The following SERP2 variants were observed in gnomAD, a reference collection of about 807,000 sequenced individuals.
SERP2 encodes the protein stress-associated endoplasmic reticulum protein 2.
SERP2 carries 6 observed loss-of-function variants against 9.1 expected under a neutral mutation model. The ratio of observed to expected loss-of-function variants is 0.66; its 90% CI spans 0.36 to 1.30. The LOEUF (loss-of-function observed/expected upper bound fraction) is 1.30, where lower values mean the gene tolerates loss of function less well. SERP2 is among the 50% of genes most tolerant of loss of function. SERP2 has a pLI of 0.03. For missense variants in SERP2, 58 were observed against 81.9 expected (o/e 0.71, Z 1.13); for synonymous variants, 37 against 27.3 (o/e 1.35, Z -1.10).
chr13:44,390,230 G>A (rs895746821), intron 2 of SERP2: 13 of 308,364 alleles, frequency 4.2e-5, no homozygotes, highest in Non-Finnish European at 6.6e-6. Flanking sequence ...GCCATCCTGG[G>A]TCTTGCTCCC....
upstream of SERP2, chr13:44,373,809 C>A: frequency 2.0e-6 from 1 of 504,800 alleles, no homozygotes; most frequent in Non-Finnish European, 3.5e-6. This position sits in a 1 kb window ranked among gnomAD's most constrained non-coding sequence, Gnocchi z 4.8. Context: ...AAAGGGTTTC[C>A]TGAGATGAGA....
intron 2 of SERP2, among the ~76,000 whole-genome samples, chr13:44,379,969 G>A (rs1871878399): frequency 6.6e-6 from 1 of 152,200 alleles, no homozygotes. Flanking sequence ...ACACTGTAGA[G>A]TTCAGTAAAG....
chr13:44,385,297 T>G (rs550740671), intron 2 of SERP2, among the ~76,000 whole-genome samples: 3 of 152,254 alleles, frequency 2.0e-5, no homozygotes, highest in Admixed American at 6.5e-5. Context: ...AAGGAAGGAA[T>G]GAGGACTGGG....
intron 1 of SERP2, among the ~76,000 whole-genome samples, chr13:44,376,860 T>C (rs1871686013): frequency 6.6e-6 from 1 of 152,174 alleles, no homozygotes; most frequent in African/African-American, 2.4e-5. Flanking sequence ...GAATTTAAAT[T>C]TCAGAGTTCT....
In SERP2 at chr13:44,373,982, A is replaced by AG; in HGVS notation, c.-39dup. On this transcript the variant is annotated 5_prime_UTR_variant, in exon 1 of 3. Transcript: ENST00000379179. The surrounding 1 kb of genome is among the most constrained non-coding windows in gnomAD (Gnocchi z 4.8). ...TCGGCCCTGTCGCAGGAGCTAACGC[A>AG]GGGGGAATCCTTGCAGGTGGGAGCA... is the stretch of plus-strand genomic sequence containing the variant. 6.5e-7 allele frequency: 1 copy of AG among 1,531,220 alleles called. No individual in the cohort carries two copies. The highest frequency in any genetic ancestry group is 8.9e-7 in the Non-Finnish European group (1 of 1,124,884). 94.9% of individuals were successfully genotyped at this position (1,531,220 alleles called of 1,614,324 possible). A position where few individuals can be genotyped will look rare whatever the true frequency, so the allele number is the denominator to read the frequency against.
chr13:44,397,641 GT>G lies in SERP2; in HGVS notation c.*332del, dbSNP rs1873201312. 1 of 382,060 alleles carries G rather than the reference GT, an allele frequency of 2.6e-6. No homozygotes were observed. Among genetic ancestry groups the G allele is most frequent in the Admixed American group, 4.2e-5 (1 of 24,080 alleles). The allele number at this position is 382,060 out of a possible 1,614,324, so 23.7% of individuals were successfully genotyped here. A position where few individuals can be genotyped will look rare whatever the true frequency, so the allele number is the denominator to read the frequency against. ...CATGTGGCCCTCTGAACGATCACTG[GT>G]TTACTTTCTATGGATACAATCTCTC... On this transcript the variant is annotated 3_prime_UTR_variant, in exon 3 of 3. Transcript: ENST00000379179.
Position 44,373,969 on chromosome 13 carries a change from C to A in SERP2, c.-57C>A. On this transcript the variant is annotated 5_prime_UTR_variant, in exon 1 of 3. Transcript: ENST00000379179. The surrounding 1 kb of genome is among the most constrained non-coding windows in gnomAD (Gnocchi z 4.8). ...CGGCGGGACGCGCTCGGCCCTGTCG[C>A]AGGAGCTAACGCAGGGGGAATCCTT... is the stretch of plus-strand genomic sequence containing the variant. 6.7e-7 allele frequency: 1 copy of A among 1,487,398 alleles called. No individual in the cohort carries two copies. Among genetic ancestry groups the A allele is most frequent in the South Asian group, 1.2e-5 (1 of 82,978 alleles). The allele number at this position is 1,487,398 out of a possible 1,614,324, so 92.1% of individuals were successfully genotyped here.
At chr13:44,384,128 CTT>C (rs997332281) in intron 2 of SERP2, among the ~76,000 whole-genome samples, 1 of 152,002 alleles carries the variant, frequency 6.6e-6, no homozygotes, top group Admixed American at 6.6e-5. Flanking sequence ...ATGTGTCACT[CTT>C]CTCAGCTTGT....
intron 2 of SERP2, among the ~76,000 whole-genome samples, chr13:44,385,898 CAG>C (rs1460292044): frequency 6.6e-6 from 1 of 152,296 alleles, no homozygotes; most frequent in South Asian, 2.1e-4. Context: ...TCATGGGAAA[CAG>C]GGGCACCACG....
chr13:44,375,773 C>G (rs1871614583), intron 1 of SERP2, among the ~76,000 whole-genome samples: 1 of 152,178 alleles, frequency 6.6e-6, no homozygotes, highest in Non-Finnish European at 1.5e-5. Flanking sequence ...ATTTCTAAGG[C>G]TGTTGTATCT....
chr13:44,391,955 G>T (rs1391994080), intron 2 of SERP2, among the ~76,000 whole-genome samples: 1 of 151,586 alleles, frequency 6.6e-6, no homozygotes, highest in African/African-American at 2.4e-5. Context: ...CCAGCACTTT[G>T]GGAGGCCGAG....
chr13:44,391,517 A>G (rs898512569), intron 2 of SERP2, among the ~76,000 whole-genome samples: 7 of 152,204 alleles, frequency 4.6e-5, no homozygotes, highest in Non-Finnish European at 8.8e-5. Flanking sequence ...AATCACACCA[A>G]AACACTTTCA....
intron 2 of SERP2, 105 bp downstream of exon 2, chr13:44,379,818 T>C: frequency 1.3e-6 from 1 of 745,778 alleles, no homozygotes; most frequent in South Asian, 1.9e-5. Flanking sequence ...TGGTATGGGA[T>C]TCAAGTTTAT....
At chr13:44,382,453 A>G (rs1286464663) in intron 2 of SERP2, among the ~76,000 whole-genome samples, 5 of 151,086 alleles carry the variant, frequency 3.3e-5, no homozygotes, top group Non-Finnish European at 7.4e-5. Context: ...AAAAAAAAAA[A>G]AAAAAGAACA....
chr13:44,397,325 T>C lies in SERP2; in HGVS notation c.*13T>C, dbSNP rs779011597. On this transcript the variant is annotated 3_prime_UTR_variant, in exon 3 of 3. Transcript: ENST00000379179. Reference sequence around the variant, plus strand: ...GATGGGCATGTGAGAAAGCCAGGGATTTGACACCACCTCCCTCCCACTGGA... The same window carrying C: ...GATGGGCATGTGAGAAAGCCAGGGACTTGACACCACCTCCCTCCCACTGGA... The C allele has an allele frequency of 3.1e-6, 5 of 1,605,612 alleles. No individual in the cohort carries two copies. The Admixed American group carries it at 8.3e-5, about 27-fold the overall frequency.
intron 2 of SERP2, among the ~76,000 whole-genome samples, chr13:44,392,178 C>T (rs888179874): frequency 1.5e-4 from 11 of 75,232 alleles, no homozygotes; most frequent in African/African-American, 5.9e-4. Context: ...AGGCTGGTGA[C>T]AGAGTGAGAC....
intron 2 of SERP2, among the ~76,000 whole-genome samples, chr13:44,382,848 G>A (rs1451874033): frequency 6.6e-6 from 1 of 152,216 alleles, no homozygotes; most frequent in Non-Finnish European, 1.5e-5. Flanking sequence ...GGCATTGGGA[G>A]AGGCAGATAA....
At chr13:44,396,604 T>C (rs1328165559) in intron 2 of SERP2, among the ~76,000 whole-genome samples, 2 of 152,146 alleles carry the variant, frequency 1.3e-5, no homozygotes, top group African/African-American at 2.4e-5. Flanking sequence ...GCTGAAGCTA[T>C]GTAACCAGCT....
intron 1 of SERP2, 62 bp downstream of exon 1, chr13:44,374,171 T>TG: frequency 1.2e-4 from 11 of 94,458 alleles, no homozygotes; most frequent in South Asian, 6.6e-4. Context: ...GGGCGGAAGG[T>TG]GGGGGCGGGG....
Sources: allele counts gnomAD v4.1 joint callset (sites outside exome capture counted in the v4.1 genomes callset), GRCh38; gene constraint gnomAD v4.1.1; non-coding constraint Gnocchi (gnomAD v3.1); transcripts MANE v1.5; gene names NCBI Gene and HGNC (gene_info 2026-07-23, HGNC 2026-07-21).